Variants in RAPGEF4 observed in about 807,000 individuals in gnomAD.
RAPGEF4 encodes RAP guanine-nucleotide-exchange factor (GEF) 4.
In RAPGEF4, 66 loss-of-function variants were observed where a neutral mutation model predicts 147.9. That is an observed-to-expected ratio of 0.45 (90% CI 0.37 to 0.55). RAPGEF4 has a LOEUF of 0.55. Among genes scored for constraint, RAPGEF4 ranks in the 20% least tolerant of loss-of-function variants. The pLI is 0.00. For synonymous variants in RAPGEF4, 419 were observed against 442.7 expected, an observed-to-expected ratio of 0.95 and a Z score of 0.67; for missense variants, 1,071 against 1,257.3, an observed-to-expected ratio of 0.85 and a Z score of 2.24.
chr2:172,889,749 T>C (rs1436366277), intron 4 of RAPGEF4: 6 of 813,430 alleles, frequency 7.4e-6, no homozygotes, highest in Non-Finnish European at 8.9e-6. Flanking sequence ...CAAATGTCAA[T>C]CAGCAAGGAA....
chr2:172,966,420 C>G (rs913600275), intron 9 of RAPGEF4, among the ~76,000 whole-genome samples: 4 of 152,152 alleles, frequency 2.6e-5, no homozygotes, highest in Non-Finnish European at 1.5e-5. Flanking sequence ...TGATGTAGCT[C>G]GTCTGGAATG....
At chr2:172,967,975 G>A (rs1384327485) in intron 10 of RAPGEF4, among the ~76,000 whole-genome samples, 6 of 152,182 alleles carry the variant, frequency 3.9e-5, no homozygotes. Context: ...AGCCACTGAG[G>A]CAGTCTCTCC....
intron 4 of RAPGEF4, among the ~76,000 whole-genome samples, chr2:172,897,753 T>TATTTTATTTTATTTTATTTC (rs1162521017): frequency 3.3e-5 from 5 of 150,848 alleles, no homozygotes; most frequent in African/African-American, 1.2e-4. Context: ...TATTTTATTT[T>TATTTTATTTTATTTTATTTC]ATTTTATTTT....
At chr2:172,893,558 A>G (rs1435117574) in intron 4 of RAPGEF4, among the ~76,000 whole-genome samples, 1 of 152,226 alleles carries the variant, frequency 6.6e-6, no homozygotes, top group Admixed American at 6.5e-5. Context: ...TTCAAAAAAT[A>G]TACTATACTA....
At chr2:172,886,982 G>C (rs906941592) in intron 4 of RAPGEF4, among the ~76,000 whole-genome samples, 3 of 152,078 alleles carry the variant, frequency 2.0e-5, no homozygotes, top group Admixed American at 2.0e-4. Context: ...GAAGTCAGGA[G>C]TTTGACACCA....
rs749829106 is a variant in RAPGEF4 at position 173,048,679 on chromosome 2, A to G, written c.2908+25A>G. The G allele has an allele frequency of 7.4e-6, 12 of 1,613,994 alleles. No individual in the cohort carries two copies. In the East Asian group the frequency reaches 2.7e-4, roughly 36 times the overall value. ...AGTAAGTTAAGTGCTGCCACCTCTT[A>G]CAATGTAGATGTTGGTGATTAAGGT... On this transcript the variant is annotated intron_variant, in intron 30 of 30. Coordinates refer to ENST00000397081, the MANE Select transcript of RAPGEF4 (RefSeq NM_007023.4).
At chr2:172,810,253 T>G (rs554106687) in intron 3 of RAPGEF4, among the ~76,000 whole-genome samples, 1 of 152,344 alleles carries the variant, frequency 6.6e-6, no homozygotes, top group South Asian at 2.1e-4. Flanking sequence ...AAAATAGCAA[T>G]AGTACTACTG....
rs71018521 is a variant in RAPGEF4 at position 172,831,266 on chromosome 2, CTTT to C, written c.444+16858_444+16860del. Among the ~76,000 whole-genome samples the C allele has an allele frequency of 9.3e-5, 5 of 53,890 alleles. 1 individual carries two copies. The highest frequency in any genetic ancestry group is 6.2e-4 in the East Asian group (1 of 1,610). 35.4% of individuals were successfully genotyped at this position (53,890 alleles called of 152,430 possible). On this transcript the variant is annotated intron_variant, in intron 4 of 30. Coordinates refer to ENST00000397081, the MANE Select transcript of RAPGEF4 (RefSeq NM_007023.4). ...AAATGTGACTGTTTCAGATAGAAAACTTTTTTTTTTTTTTTTTTTGAGACAGAG... is the reference window on the plus strand; with the variant it reads ...AAATGTGACTGTTTCAGATAGAAAACTTTTTTTTTTTTTTTTGAGACAGAG...
chr2:172,875,177 T>C (rs1695753197), intron 4 of RAPGEF4, among the ~76,000 whole-genome samples: 1 of 152,184 alleles, frequency 6.6e-6, no homozygotes, highest in Admixed American at 6.5e-5. Flanking sequence ...ATTGCAAAAA[T>C]TTTCTCCCAT....
intron 6 of RAPGEF4, among the ~76,000 whole-genome samples, chr2:172,931,974 C>A (rs1452533537): frequency 6.6e-6 from 1 of 151,504 alleles, no homozygotes; most frequent in East Asian, 1.9e-4. Flanking sequence ...CCCCTTGACT[C>A]CCATGCGCCC....
At chr2:172,806,549 C>G (rs2149582449) in intron 3 of RAPGEF4, among the ~76,000 whole-genome samples, 1 of 152,296 alleles carries the variant, frequency 6.6e-6, no homozygotes, top group Non-Finnish European at 1.5e-5. Context: ...TTTGAAATTA[C>G]CATTTCAAGA....
intron 27 of RAPGEF4, among the ~76,000 whole-genome samples, chr2:173,035,282 G>T (rs2106002823): frequency 6.6e-6 from 1 of 152,078 alleles, no homozygotes; most frequent in East Asian, 2.0e-4. Flanking sequence ...GCCGAGGCGG[G>T]CAGATCACGA....
At chr2:173,001,395 C>T (rs377175262) in intron 17 of RAPGEF4, 51 bp downstream of exon 17, 75 of 1,609,380 alleles carry the variant, frequency 4.7e-5, no homozygotes, top group Non-Finnish European at 5.9e-5. Flanking sequence ...GACAACCCCC[C>T]CTATCGAGGG....
rs548466854 is a variant in RAPGEF4, at chr2:172,803,424, C to T, written c.297+5811C>T. Among the ~76,000 whole-genome samples, 71 of 152,302 alleles carry T rather than the reference C, an allele frequency of 4.7e-4. No individual in the cohort carries two copies. The Middle Eastern group carries it at 0.01, about 22-fold the overall frequency. ...AGCCATGGCCCGAGCTGTACCATGG[C>T]CCCTTTTGGTCATGGCTGGAGTGGC... On this transcript the variant is annotated intron_variant, in intron 3 of 30. Coordinates refer to ENST00000397081, the MANE Select transcript of RAPGEF4 (RefSeq NM_007023.4).
chr2:172,999,055 G>A (rs997141052), intron 16 of RAPGEF4, among the ~76,000 whole-genome samples: 3 of 152,206 alleles, frequency 2.0e-5, no homozygotes, highest in African/African-American at 2.4e-5. Flanking sequence ...GCAGAGCAGG[G>A]CTAACCCATG....
intron 6 of RAPGEF4, among the ~76,000 whole-genome samples, chr2:172,937,375 T>C (rs1476101045): frequency 2.6e-5 from 4 of 152,184 alleles, no homozygotes; most frequent in Non-Finnish European, 5.9e-5. Context: ...CAGACTTTCC[T>C]TGTTTTGGAT....
At chr2:172,865,506 A>G (rs994460245) in intron 4 of RAPGEF4, among the ~76,000 whole-genome samples, 2 of 152,222 alleles carry the variant, frequency 1.3e-5, no homozygotes, top group Admixed American at 6.5e-5. Flanking sequence ...GTCTTAAAAT[A>G]TATAGCTAGA....
At chr2:172,805,634 G>A (rs78477185) in intron 3 of RAPGEF4, among the ~76,000 whole-genome samples, 1,653 of 152,216 alleles carry the variant, frequency 0.011, 29 homozygotes, top group African/African-American at 0.038. Context: ...ACATGTTCAC[G>A]TAGATTTCCA....
intron 10 of RAPGEF4, among the ~76,000 whole-genome samples, chr2:172,971,064 C>A (rs922589869): frequency 6.6e-6 from 1 of 150,854 alleles, no homozygotes; most frequent in Non-Finnish European, 1.5e-5. Context: ...TGCCCTATAG[C>A]AAGTAGATAT....
Sources: allele counts gnomAD v4.1 joint callset (sites outside exome capture counted in the v4.1 genomes callset), GRCh38; gene constraint gnomAD v4.1.1; transcripts MANE v1.5; gene names NCBI Gene and HGNC (gene_info 2026-07-23, HGNC 2026-07-21).